The following PTPRD variants were observed in gnomAD, a reference collection of about 807,000 sequenced individuals.
PTPRD encodes the protein receptor-type tyrosine-protein phosphatase delta.
In PTPRD, 34 loss-of-function variants were observed where a neutral mutation model predicts 214.5. The observed-to-expected ratio is 0.16, with a 90% CI of 0.12 to 0.21. The LOEUF is 0.21. PTPRD is among the 10% of genes least tolerant of loss of function. PTPRD has a pLI of 1.00. For missense variants in PTPRD, 2,545 were observed against 2,398.7 expected, an observed-to-expected ratio of 1.06 and a Z score of -1.27; for synonymous variants, 1,128 against 845.7, an observed-to-expected ratio of 1.33 and a Z score of -5.79.
At chr9:9,010,189 C>T (rs75528810) in intron 11 of PTPRD, among the ~76,000 whole-genome samples, 2 of 152,124 alleles carry the variant, frequency 1.3e-5, no homozygotes, top group African/African-American at 2.4e-5. Flanking sequence ...GTTTCTAAAA[C>T]AATGTTAGAA....
intron 7 of PTPRD, among the ~76,000 whole-genome samples, chr9:9,617,916 C>A (rs1256853709): frequency 6.6e-6 from 1 of 150,566 alleles, no homozygotes; most frequent in African/African-American, 2.4e-5. Context: ...ACTAAAAATA[C>A]AAAAAATTAG....
intron 3 of PTPRD, among the ~76,000 whole-genome samples, chr9:10,339,629 T>C (rs2096903527): frequency 6.6e-6 from 1 of 151,602 alleles, no homozygotes. Context: ...AAAAGGGCAT[T>C]TGGGATGAAA....
chr9:10,603,062 G>T (rs1002605486), intron 2 of PTPRD, among the ~76,000 whole-genome samples: 15 of 151,796 alleles, frequency 9.9e-5, no homozygotes, highest in Non-Finnish European at 2.9e-5. Flanking sequence ...TTAAGGAGCT[G>T]ATATACCATA....
chr9:8,791,370 C>T (rs1333402026), intron 11 of PTPRD, among the ~76,000 whole-genome samples: 5 of 151,812 alleles, frequency 3.3e-5, no homozygotes, highest in Admixed American at 6.6e-5. Flanking sequence ...GGATTACAGG[C>T]GCACACCATC....
At chr9:8,898,340 G>A (rs2098637455) in intron 11 of PTPRD, among the ~76,000 whole-genome samples, 1 of 152,106 alleles carries the variant, frequency 6.6e-6, no homozygotes, top group South Asian at 2.1e-4. Flanking sequence ...GGATAGAGGG[G>A]AAGGAGAAGA....
In PTPRD at chr9:10,381,687, G is replaced by T. The variant is rs118042336; in HGVS notation, c.-599-40670C>A. Among the ~76,000 whole-genome samples, 692 of 152,002 alleles carry T rather than the reference G, an allele frequency of 4.6e-3. 2 individuals are homozygous for T. Among genetic ancestry groups the T allele is most frequent in the Non-Finnish European group, 7.7e-3 (523 of 67,910 alleles). On this transcript the variant is annotated intron_variant, in intron 2 of 45. Coordinates refer to ENST00000381196, the MANE Select transcript of PTPRD (RefSeq NM_002839.4). ...AGGACATAACTCTTTCAGGAAACTA[G>T]GATGTAGTTTACCACATACAAAGTT...
At chr9:10,346,570 A>G (rs2097087598) in intron 2 of PTPRD, among the ~76,000 whole-genome samples, 1 of 152,270 alleles carries the variant, frequency 6.6e-6, no homozygotes, top group Non-Finnish European at 1.5e-5. Context: ...TCCAGAAAAT[A>G]TAAAGTATGT....
intron 11 of PTPRD, among the ~76,000 whole-genome samples, chr9:8,866,235 G>C (rs1455165436): frequency 1.3e-5 from 2 of 152,078 alleles, no homozygotes; most frequent in African/African-American, 4.8e-5. Flanking sequence ...ACTTTACATA[G>C]TCTATTCATG....
intron 34 of PTPRD, among the ~76,000 whole-genome samples, chr9:8,445,218 G>C (rs1210721587): frequency 1.3e-5 from 2 of 152,080 alleles, no homozygotes; most frequent in Admixed American, 6.6e-5. Context: ...TACTTAAATT[G>C]CCTTTTTCAC....
At chr9:8,357,837 A>G (rs2077362605) in intron 39 of PTPRD, among the ~76,000 whole-genome samples, 1 of 152,166 alleles carries the variant, frequency 6.6e-6, no homozygotes, top group Non-Finnish European at 1.5e-5. Flanking sequence ...TGCAAGCCCC[A>G]CACTCAACAT....
intron 10 of PTPRD, among the ~76,000 whole-genome samples, chr9:9,134,089 G>A (rs2099847110): frequency 2.1e-5 from 2 of 97,216 alleles, no homozygotes; most frequent in South Asian, 3.7e-4. Context: ...TTTTTGAGAC[G>A]GAGTCTCGCT....
At chr9:9,244,707 A>G (rs1486647532) in intron 9 of PTPRD, among the ~76,000 whole-genome samples, 1 of 152,136 alleles carries the variant, frequency 6.6e-6, no homozygotes, top group East Asian at 1.9e-4. Context: ...AGGCAATACC[A>G]TTCAGGACAT....
At chr9:9,442,668 T>C (rs1167701075) in intron 8 of PTPRD, among the ~76,000 whole-genome samples, 1 of 152,138 alleles carries the variant, frequency 6.6e-6, no homozygotes, top group South Asian at 2.1e-4. Context: ...TTAAAGATGT[T>C]CTATTATATT....
intron 43 of PTPRD, among the ~76,000 whole-genome samples, chr9:8,332,509 G>T (rs1334899143): frequency 6.6e-6 from 1 of 151,522 alleles, no homozygotes; most frequent in Non-Finnish European, 1.5e-5. Flanking sequence ...TTAACAGTCT[G>T]TGGAGAGCTT....
chr9:9,147,138 T>G (rs1187254835), intron 10 of PTPRD, among the ~76,000 whole-genome samples: 1 of 152,120 alleles, frequency 6.6e-6, no homozygotes, highest in African/African-American at 2.4e-5. Flanking sequence ...GATTTGATCA[T>G]ATAAATTTCA....
At chr9:10,386,534 C>T (rs1039220141) in intron 2 of PTPRD, among the ~76,000 whole-genome samples, 48 of 151,948 alleles carry the variant, frequency 3.2e-4, no homozygotes, top group Admixed American at 1.6e-3. Context: ...ACCAACTTCA[C>T]GCTAATGGAG....
chr9:8,529,869 C>T (rs1456926938), intron 14 of PTPRD, among the ~76,000 whole-genome samples: 2 of 152,112 alleles, frequency 1.3e-5, no homozygotes, highest in African/African-American at 4.8e-5. Flanking sequence ...TACACATGTG[C>T]CATGTTGATT....
chr9:8,475,569 G>T (rs572199675), intron 30 of PTPRD, among the ~76,000 whole-genome samples: 1 of 151,988 alleles, frequency 6.6e-6, no homozygotes, highest in Non-Finnish European at 1.5e-5. Context: ...AATTCCACTG[G>T]TTTATCTGAC....
chr9:9,645,457 G>GTATA (rs150506021), intron 7 of PTPRD, among the ~76,000 whole-genome samples: 6,678 of 134,274 alleles, frequency 0.05, 185 homozygotes, highest in Non-Finnish European at 0.069. Flanking sequence ...CTACATATAT[G>GTATA]TATATATATA....
Sources: allele counts gnomAD v4.1 joint callset (sites outside exome capture counted in the v4.1 genomes callset), GRCh38; gene constraint gnomAD v4.1.1; transcripts MANE v1.5; gene names NCBI Gene and HGNC (gene_info 2026-07-23, HGNC 2026-07-21).